TMCC2: variants seen among roughly 807,000 people sequenced by gnomAD.
TMCC2 encodes transmembrane and coiled-coil domain family 2.
In TMCC2, 16 loss-of-function variants were observed where a neutral mutation model predicts 49.4. The observed-to-expected ratio is 0.32, with a 90% CI of 0.22 to 0.49. The LOEUF is 0.49. Among genes scored for constraint, TMCC2 ranks in the 20% least tolerant of loss-of-function variants. The probability of loss-of-function intolerance (pLI) is 0.99; values close to 1 mark genes in which losing one functional copy is unlikely to be tolerated. For synonymous variants in TMCC2, 397 were observed against 434.1 expected (o/e 0.91, Z 1.06); for missense variants, 762 against 989.8 (o/e 0.77, Z 3.09).
chr1:205,270,950 T>C (rs547927751), intron 3 of TMCC2, among the ~76,000 whole-genome samples, 170 bp from the exon 4 acceptor site: 2 of 152,358 alleles, frequency 1.3e-5, no homozygotes, highest in African/African-American at 4.8e-5. Flanking sequence ...TAAGAAGTGC[T>C]GTGTAAATAG....
intron 1 of TMCC2, among the ~76,000 whole-genome samples, chr1:205,234,799 A>G (rs112791276): frequency 3.3e-5 from 5 of 151,954 alleles, no homozygotes; most frequent in African/African-American, 7.3e-5. Flanking sequence ...AGCTGGGACT[A>G]TAGGCATGCA....
At chr1:205,237,303 C>T (rs546291201) in intron 1 of TMCC2, among the ~76,000 whole-genome samples, 3 of 152,232 alleles carry the variant, frequency 2.0e-5, no homozygotes, top group African/African-American at 7.2e-5. Context: ...TGGGTTTTTA[C>T]AGTGATTAGT....
At chr1:205,246,263 G>T (rs1423932437) in intron 2 of TMCC2, among the ~76,000 whole-genome samples, 1 of 129,864 alleles carries the variant, frequency 7.7e-6, no homozygotes, top group African/African-American at 2.8e-5. Context: ...AGTCAAGGAA[G>T]ATGGCAAATA....
chr1:205,229,151 CTTTG>C (rs1659679174), intron 1 of TMCC2: 2 of 1,014,434 alleles, frequency 2.0e-6, no homozygotes, highest in Non-Finnish European at 2.4e-6. Context: ...CCATTGGGAT[CTTTG>C]TGTGTGTGTG....
At position 205,269,542 on chromosome 1, in the gene TMCC2, AC is replaced by A; in HGVS notation, c.1345del (p.Leu449TrpfsTer13). On this transcript the variant is annotated frameshift_variant, in exon 3 of 5. Transcript: ENST00000358024. LOFTEE classifies it high-confidence loss of function. ...GCTGACAACATCGCCCACCTGAAGG[AC>A]CCCCTGGAAGATGGGCCCCCTGAGG... ...GSADNIAHLK[D>X]PLEDGPPEEA... The A allele has an allele frequency of 6.2e-7, 1 of 1,613,328 alleles. No individual in the cohort carries two copies. Among genetic ancestry groups the A allele is most frequent in the Non-Finnish European group, 8.5e-7 (1 of 1,179,700 alleles).
intron 2 of TMCC2, among the ~76,000 whole-genome samples, chr1:205,254,998 GC>G (rs1660806587): frequency 6.6e-6 from 1 of 152,072 alleles, no homozygotes; most frequent in African/African-American, 2.4e-5. Context: ...GATCGTTTGT[GC>G]CCAGGAGTTC....
intron 2 of TMCC2, among the ~76,000 whole-genome samples, chr1:205,262,947 G>A (rs1456132776): frequency 6.6e-6 from 1 of 152,118 alleles, no homozygotes; most frequent in Non-Finnish European, 1.5e-5. Context: ...GTCTCTGGTT[G>A]GCAGGGGGAG....
chr1:205,260,231 A>AT (rs1558654038), intron 2 of TMCC2, among the ~76,000 whole-genome samples: 1 of 152,114 alleles, frequency 6.6e-6, no homozygotes, highest in African/African-American at 2.4e-5. Flanking sequence ...CCACAACTCC[A>AT]GGTGTGGTGC....
chr1:205,245,847 C>T (rs1057386113), intron 2 of TMCC2, among the ~76,000 whole-genome samples: 6 of 150,508 alleles, frequency 4.0e-5, no homozygotes, highest in Non-Finnish European at 8.8e-5. Flanking sequence ...TCCATCTCGG[C>T]TCACTGCAAC....
At chr1:205,268,186 G>A (rs1265467418) in intron 2 of TMCC2, 1 of 530,328 alleles carries the variant, frequency 1.9e-6, no homozygotes, top group East Asian at 1.5e-4. Flanking sequence ...CCCTGAGGGA[G>A]AGGCCTGCTC....
At chr1:205,253,706 G>A (rs1660756616) in intron 2 of TMCC2, among the ~76,000 whole-genome samples, 1 of 152,236 alleles carries the variant, frequency 6.6e-6, no homozygotes, top group African/African-American at 2.4e-5. Flanking sequence ...CTGCTTTAGT[G>A]CCCTTGGCAG....
At position 205,269,899 on chromosome 1, in the gene TMCC2, AC is replaced by A; in HGVS notation, c.1682+20del. On this transcript the variant is annotated intron_variant, in intron 3 of 4. Coordinates refer to ENST00000358024, the MANE Select transcript of TMCC2 (RefSeq NM_014858.4). ...GAGCGCTACAGGTAGGTGCCTGCCC[AC>A]CCCCTCCTGCAGCCCAGCCGGACGT... is the stretch of plus-strand genomic sequence containing the variant. 6.2e-7 allele frequency: 1 copy of A among 1,601,456 alleles called. No homozygotes were observed. Among genetic ancestry groups the A allele is most frequent in the Non-Finnish European group, 8.5e-7 (1 of 1,172,784 alleles).
intron 2 of TMCC2, 78 bp from the exon 3 acceptor site, chr1:205,268,871 AC>A (rs966416562): frequency 1.4e-6 from 2 of 1,416,458 alleles, no homozygotes; most frequent in African/African-American, 2.9e-5. Context: ...AGATAGAAAA[AC>A]CAAGTCCAGA....
rs183315360 is a variant in TMCC2, at chr1:205,241,196, A to G, written c.208-309A>G. Among the ~76,000 whole-genome samples, 39 of 152,288 alleles carry G rather than the reference A, an allele frequency of 2.6e-4. No homozygotes were observed. The highest frequency in any genetic ancestry group is 6.8e-3 in the Middle Eastern group (2 of 294). On this transcript the variant is annotated intron_variant, in intron 1 of 4. Coordinates refer to ENST00000358024, the MANE Select transcript of TMCC2 (RefSeq NM_014858.4). This position sits in a 1 kb window ranked among gnomAD's most constrained non-coding sequence, Gnocchi z 7.3. Reference sequence around the variant, plus strand: ...GAGCCAAGTGCTACCTGTGTATGCCATTAAGCCCCAGACTGAAGCCCTGAG... The same window carrying G: ...GAGCCAAGTGCTACCTGTGTATGCCGTTAAGCCCCAGACTGAAGCCCTGAG...
At chr1:205,236,071 A>C (rs867922042) in intron 1 of TMCC2, among the ~76,000 whole-genome samples, 1,251 of 97,040 alleles carry the variant, frequency 0.013, 18 homozygotes, top group African/African-American at 0.034. Context: ...TCTGTCTCAA[A>C]AAAAAAAAAA....
At chr1:205,259,487 G>A (rs887503469) in intron 2 of TMCC2, among the ~76,000 whole-genome samples, 5 of 152,242 alleles carry the variant, frequency 3.3e-5, no homozygotes, top group African/African-American at 1.2e-4. Flanking sequence ...AGAGAACCAC[G>A]ATTCACATTT....
At chr1:205,259,792 T>A (rs1016651252) in intron 2 of TMCC2, among the ~76,000 whole-genome samples, 2 of 152,130 alleles carry the variant, frequency 1.3e-5, no homozygotes. Flanking sequence ...TAATCCAGCT[T>A]CATTTAGTGT....
Position 205,242,002 on chromosome 1 carries a change from C to G in TMCC2, c.705C>G (p.Asn235Lys), listed in dbSNP as rs369697426. 2.8e-5 allele frequency: 45 copies of G among 1,606,840 alleles called. No individual in the cohort carries two copies. The highest frequency in any genetic ancestry group is 3.7e-5 in the Non-Finnish European group (44 of 1,177,302). ...DTALLLADGS[N>K]VYLLAEEAEG... ...CTCTGCTGCTGGCCGACGGCAGCAACGTGTACCTCCTGGCTGAGGAGGCCG... is the reference window on the plus strand; with the variant it reads ...CTCTGCTGCTGGCCGACGGCAGCAAGGTGTACCTCCTGGCTGAGGAGGCCG... Residue 235 changes from asparagine to lysine, a missense_variant, in exon 2 of 5, where the codon AAC becomes AAG. Coordinates refer to ENST00000358024, the MANE Select transcript of TMCC2 (RefSeq NM_014858.4).
At chr1:205,260,914 A>G (rs1326271388) in intron 2 of TMCC2, among the ~76,000 whole-genome samples, 1 of 152,004 alleles carries the variant, frequency 6.6e-6, no homozygotes, top group African/African-American at 2.4e-5. Context: ...CATTTTGTTG[A>G]CCCATTCATC....
Sources: gnomAD v4.1 joint callset for allele counts (sites outside exome capture counted in the v4.1 genomes callset) on GRCh38, gnomAD v4.1.1 for gene constraint, Gnocchi (gnomAD v3.1) non-coding constraint, MANE v1.5 for transcripts, NCBI Gene and HGNC (gene_info 2026-07-23, HGNC 2026-07-21) for gene names.